DISP1: variants seen among roughly 807,000 people sequenced by gnomAD.
DISP1 encodes the protein dispatched RND transporter family member 1.
DISP1 carries 30 observed loss-of-function variants against 37.3 expected under a neutral mutation model. The ratio of observed to expected loss-of-function variants is 0.80; its 90% CI spans 0.60 to 1.09. DISP1 has a LOEUF of 1.09. Ranked by LOEUF, DISP1 falls within the 50% of genes least tolerant of loss-of-function variation. DISP1 has a pLI of 0.00. For missense variants in DISP1, 1,598 were observed against 1,879.5 expected, an observed-to-expected ratio of 0.85 and a Z score of 2.77; for synonymous variants, 634 against 690.2, an observed-to-expected ratio of 0.92 and a Z score of 1.28.
chr1:222,865,174 T>G (rs906917614), intron 1 of DISP1, among the ~76,000 whole-genome samples: 2 of 152,112 alleles, frequency 1.3e-5, no homozygotes, highest in African/African-American at 4.8e-5. Context: ...TCCTTTTCTA[T>G]CTTTGCTTTT....
intron 4 of DISP1, among the ~76,000 whole-genome samples, chr1:222,989,728 C>T (rs866424007): frequency 1.2e-4 from 19 of 152,176 alleles, no homozygotes; most frequent in South Asian, 2.1e-4. Context: ...TCTCATGGAA[C>T]TCACATATCT....
intron 1 of DISP1, among the ~76,000 whole-genome samples, chr1:222,851,966 C>T (rs1293292550): frequency 1.3e-5 from 2 of 152,046 alleles, no homozygotes; most frequent in East Asian, 1.9e-4. Context: ...GGGCGAATCA[C>T]CTGAGGTTGA....
chr1:222,834,525 G>A (rs1666535926), intron 1 of DISP1, among the ~76,000 whole-genome samples: 1 of 152,130 alleles, frequency 6.6e-6, no homozygotes, highest in Admixed American at 6.6e-5. Context: ...AGACCATAAA[G>A]GCGTACACGA....
intron 1 of DISP1, among the ~76,000 whole-genome samples, chr1:222,891,462 G>A (rs1331538208): frequency 5.9e-5 from 9 of 152,074 alleles, no homozygotes; most frequent in Non-Finnish European, 1.2e-4. Flanking sequence ...CTATATTATA[G>A]GTCAAAAGTA....
intron 2 of DISP1, among the ~76,000 whole-genome samples, chr1:222,929,293 A>C (rs2125454299): frequency 6.6e-6 from 1 of 152,274 alleles, no homozygotes; most frequent in South Asian, 2.1e-4. Context: ...TAAAATGAGA[A>C]TGGATAATTT....
chr1:222,917,777 C>T (rs1358629952), intron 1 of DISP1, among the ~76,000 whole-genome samples: 2 of 151,952 alleles, frequency 1.3e-5, no homozygotes, highest in African/African-American at 4.8e-5. Context: ...TGCACTGGCA[C>T]CTGTGAGATG....
intron 2 of DISP1, among the ~76,000 whole-genome samples, chr1:222,930,535 A>G (rs1009946295): frequency 3.5e-4 from 53 of 152,102 alleles, no homozygotes; most frequent in Admixed American, 6.6e-4. Context: ...AGGCTTATGT[A>G]TTACAGGCTC....
intron 1 of DISP1, among the ~76,000 whole-genome samples, chr1:222,923,488 A>G (rs1436017296): frequency 1.3e-5 from 2 of 152,226 alleles, no homozygotes; most frequent in East Asian, 1.9e-4. Flanking sequence ...AGTAATTAAT[A>G]GCAGGAAAAA....
Position 223,005,504 on chromosome 1 carries a change from T to C in DISP1, c.4107T>C (p.Ile1369=), listed in dbSNP as rs1679839437. ...AGCACATTCAGGCCCAAGAAAAAATTGGCAAGACCAATGTACACAGTCTTC... is the reference window on the plus strand; with the variant it reads ...AGCACATTCAGGCCCAAGAAAAAATCGGCAAGACCAATGTACACAGTCTTC... The part of the protein sequence containing the change: ...PVQHIQAQEK[I]GKTNVHSLQR... The change falls in exon 9 of 9, where the codon ATT becomes ATC. Residue 1369 remains isoleucine (I), a synonymous_variant. Coordinates refer to ENST00000675850, the MANE Select transcript of DISP1 (RefSeq NM_001377229.1). The C allele has an allele frequency of 1.2e-6, 2 of 1,613,912 alleles. No individual in the cohort carries two copies.
chr1:222,903,072 C>T (rs1671689217), intron 1 of DISP1, among the ~76,000 whole-genome samples: 1 of 151,580 alleles, frequency 6.6e-6, no homozygotes, highest in Non-Finnish European at 1.5e-5. Flanking sequence ...CAATGATAGA[C>T]TGGATTAAGA....
Position 222,965,271 on chromosome 1 carries a change from T to C in DISP1, c.510-17809T>C, listed in dbSNP as rs1452893684. 2.0e-5 allele frequency among the ~76,000 whole-genome samples: 3 copies of C among 152,224 alleles called. No individual in the cohort carries two copies. In the East Asian group the frequency reaches 5.8e-4, roughly 29 times the overall value. The stretch of plus-strand genomic sequence containing the variant: ...ATCGGTAAAATCTATGCCTACCTTA[T>C]AGAATTATTTTAAGAATTTTAAAAT... On this transcript the variant is annotated intron_variant, in intron 3 of 8. Transcript: ENST00000675850.
At chr1:222,881,459 G>C (rs558034186) in intron 1 of DISP1, among the ~76,000 whole-genome samples, 19 of 152,328 alleles carry the variant, frequency 1.2e-4, no homozygotes, top group African/African-American at 4.3e-4. Flanking sequence ...GCCTCCCAAA[G>C]TGCTGGGATT....
chr1:222,904,547 G>A (rs1671789929), intron 1 of DISP1, among the ~76,000 whole-genome samples: 1 of 151,320 alleles, frequency 6.6e-6, no homozygotes. Flanking sequence ...TTTATTCAGA[G>A]ACTCTTTTTT....
chr1:222,924,372 T>C (rs1316871925), intron 1 of DISP1, among the ~76,000 whole-genome samples: 2 of 152,176 alleles, frequency 1.3e-5, no homozygotes, highest in Non-Finnish European at 2.9e-5. Context: ...TGAGATCATC[T>C]CATCTAGTGT....
intron 1 of DISP1, among the ~76,000 whole-genome samples, chr1:222,846,032 T>G (rs61839610): frequency 0.065 from 9,842 of 152,326 alleles, 408 homozygotes; most frequent in Non-Finnish European, 0.087. Context: ...TCTTGAAGAT[T>G]TATTTCTAGA....
chr1:222,992,213 A>ACG, intron 7 of DISP1, 103 bp downstream of exon 7: 1 of 948,688 alleles, frequency 1.1e-6, no homozygotes, highest in Non-Finnish European at 1.7e-6. Context: ...CTAGTCACAC[A>ACG]GCTTCACTGT....
intron 8 of DISP1, among the ~76,000 whole-genome samples, chr1:222,995,844 C>T (rs1237486139): frequency 6.6e-6 from 1 of 152,140 alleles, no homozygotes; most frequent in African/African-American, 2.4e-5. Context: ...AGCCTGACCA[C>T]CTCATGCAAT....
At chr1:222,877,287 C>T (rs1331479295) in intron 1 of DISP1, among the ~76,000 whole-genome samples, 1 of 152,140 alleles carries the variant, frequency 6.6e-6, no homozygotes, top group African/African-American at 2.4e-5. Flanking sequence ...TTACAGTTCT[C>T]CATGGCTGGG....
chr1:222,924,094 A>G (rs1200629307), intron 1 of DISP1, among the ~76,000 whole-genome samples: 1 of 152,148 alleles, frequency 6.6e-6, no homozygotes, highest in Non-Finnish European at 1.5e-5. Flanking sequence ...GAAAGAAGAA[A>G]TGTCTGTCGT....
Sources: allele counts gnomAD v4.1 joint callset (sites outside exome capture counted in the v4.1 genomes callset), GRCh38; gene constraint gnomAD v4.1.1; transcripts MANE v1.5; gene names NCBI Gene and HGNC (gene_info 2026-07-23, HGNC 2026-07-21).